PRKAG2: variants seen among roughly 807,000 people sequenced by gnomAD.
PRKAG2 encodes the protein 5'-AMP-activated protein kinase subunit gamma-2.
Under a neutral mutation model 69.6 loss-of-function variants are expected in PRKAG2, and 26 were observed. The observed-to-expected ratio is 0.37, with a 90% CI of 0.27 to 0.52. PRKAG2 has a LOEUF of 0.52. PRKAG2 is among the 20% of genes least tolerant of loss of function. The probability of loss-of-function intolerance (pLI) is 0.90; values close to 1 mark genes in which losing one functional copy is unlikely to be tolerated. For synonymous variants in PRKAG2, 293 were observed against 285.0 expected, an observed-to-expected ratio of 1.03 and a Z score of -0.28; for missense variants, 557 against 740.0, an observed-to-expected ratio of 0.75 and a Z score of 2.87.
At chr7:151,782,907 G>A (rs981716888) in intron 2 of PRKAG2, among the ~76,000 whole-genome samples, 1 of 152,258 alleles carries the variant, frequency 6.6e-6, no homozygotes, top group Non-Finnish European at 1.5e-5. Context: ...AGAAGGGCGA[G>A]TAACTCGTCC....
At chr7:151,589,512 C>T (rs550136983) in intron 6 of PRKAG2, among the ~76,000 whole-genome samples, 1 of 152,316 alleles carries the variant, frequency 6.6e-6, no homozygotes, top group Admixed American at 6.5e-5. Flanking sequence ...GAGAACACTG[C>T]CTTAGAGGTC....
intron 1 of PRKAG2, among the ~76,000 whole-genome samples, chr7:151,833,841 G>A (rs1016127361): frequency 6.6e-6 from 1 of 152,218 alleles, no homozygotes; most frequent in Non-Finnish European, 1.5e-5. Flanking sequence ...CAGATGGCGG[G>A]AGGGGGTGTG....
intron 1 of PRKAG2, among the ~76,000 whole-genome samples, chr7:151,796,417 C>T (rs540751562): frequency 2.6e-5 from 4 of 152,332 alleles, no homozygotes; most frequent in African/African-American, 9.6e-5. Context: ...GCCAAATGTC[C>T]TCCTTTGACT....
In PRKAG2 at chr7:151,576,384, T is replaced by G; in HGVS notation, c.933A>C (p.Lys311Asn). Reference protein sequence around the residue: ...VRAAPLWESKKQSFVGMLTIT... With the variant: ...VRAAPLWESKNQSFVGMLTIT... ...CACACTGCTTACCTACAAAACTTTG[T>G]TTTTTACTCTCCCACAGTGGCGCTG... Residue 311 changes from lysine (K) to asparagine (N), a missense_variant, in exon 7 of 16, where the codon AAA (lysine) becomes AAC (asparagine). By Grantham distance (94) the Lys-to-Asn change is moderately conservative (BLOSUM62 0). Transcript: ENST00000287878. 15 of 1,608,492 alleles carry G rather than the reference T, an allele frequency of 9.3e-6. No homozygotes were observed. Among genetic ancestry groups the G allele is most frequent in the Non-Finnish European group, 1.3e-5 (15 of 1,174,982 alleles).
intron 1 of PRKAG2, among the ~76,000 whole-genome samples, chr7:151,871,423 G>A (rs539099442): frequency 3.9e-4 from 60 of 152,330 alleles, no homozygotes; most frequent in African/African-American, 1.4e-3. Flanking sequence ...AGGCCAGCAT[G>A]GCCTCAGGAT....
chr7:151,733,464 G>A lies in PRKAG2; in HGVS notation c.466+47688C>T, dbSNP rs144528685. Among the ~76,000 whole-genome samples the A allele has an allele frequency of 4.1e-3, 631 of 152,286 alleles. 5 individuals are homozygous for A. The highest frequency in any genetic ancestry group is 0.014 in the African/African-American group (568 of 41,556). ...GACAGCCAACCGTTAAACACAAGGC[G>A]GGAAGCCACTGTCTGGCACATAATA... On this transcript the variant is annotated intron_variant, in intron 3 of 15. Coordinates refer to ENST00000287878, the MANE Select transcript of PRKAG2 (RefSeq NM_016203.4).
rs535396596 is a variant in PRKAG2 at position 151,611,374 on chromosome 7, C to G, written c.755-15920G>C. ...GCTGCGGTTTCAAAGGTGCTCAGATCCAGGGCGGTGCAGCGCTTGCCAGAG... is the reference window on the plus strand; with the variant it reads ...GCTGCGGTTTCAAAGGTGCTCAGATGCAGGGCGGTGCAGCGCTTGCCAGAG... On this transcript the variant is annotated intron_variant, in intron 5 of 15. Coordinates refer to ENST00000287878, the MANE Select transcript of PRKAG2 (RefSeq NM_016203.4). Among the ~76,000 whole-genome samples, 3 of 152,346 alleles carry G rather than the reference C, an allele frequency of 2.0e-5. No individual in the cohort carries two copies. In the East Asian group the frequency reaches 5.8e-4, roughly 29 times the overall value.
Position 151,562,244 on chromosome 7 carries a change from C to CAA in PRKAG2, c.1585-1629_1585-1628dup, listed in dbSNP as rs575674668. The stretch of plus-strand genomic sequence containing the variant: ...TGGGCGACAGAGTGAGACTTTGTCT[C>CAA]AAAAAAAAAAAAAAAAAAAAAAAAA... On this transcript the variant is annotated intron_variant, in intron 14 of 15. Coordinates refer to ENST00000287878, the MANE Select transcript of PRKAG2 (RefSeq NM_016203.4). Among the ~76,000 whole-genome samples, 56 of 38,440 alleles carry CAA rather than the reference C, an allele frequency of 1.5e-3. 1 individual carries two copies. Among genetic ancestry groups the CAA allele is most frequent in the South Asian group, 3.4e-3 (2 of 596 alleles). The allele number at this position is 38,440 out of a possible 152,430, so 25.2% of individuals were successfully genotyped here. A position where few individuals can be genotyped will look rare whatever the true frequency, so the allele number is the denominator to read the frequency against.
intron 1 of PRKAG2, 135 bp from the exon 2 acceptor site, chr7:151,786,676 C>T (rs957710538): frequency 1.4e-4 from 102 of 751,810 alleles, no homozygotes; most frequent in Non-Finnish European, 5.0e-5. Context: ...GGGATGTGGA[C>T]GTGTTTGCTA....
At chr7:151,754,016 C>G (rs554289917) in intron 3 of PRKAG2, among the ~76,000 whole-genome samples, 1 of 152,210 alleles carries the variant, frequency 6.6e-6, no homozygotes, top group African/African-American at 2.4e-5. Context: ...AAGACCGCAT[C>G]TCGAAAAAAA....
chr7:151,858,560 C>A (rs2079842125), intron 1 of PRKAG2, among the ~76,000 whole-genome samples: 1 of 152,212 alleles, frequency 6.6e-6, no homozygotes, highest in Non-Finnish European at 1.5e-5. Context: ...CCTGCCCACA[C>A]ACACACACCA....
rs543021217 is a variant in PRKAG2 at position 151,614,258 on chromosome 7, G to A, written c.754+17811C>T. Among the ~76,000 whole-genome samples, 5 of 152,250 alleles carry A rather than the reference G, an allele frequency of 3.3e-5. No individual in the cohort carries two copies. In the South Asian group the frequency reaches 1.0e-3, roughly 32 times the overall value. ...AGGCCTGAGCCCCTCAGATCTGAGG[G>A]TATCCTCAGGAGCTCGCAGGGGACA... On this transcript the variant is annotated intron_variant, in intron 5 of 15. Coordinates refer to ENST00000287878, the MANE Select transcript of PRKAG2 (RefSeq NM_016203.4). The surrounding 1 kb of genome is among the most constrained non-coding windows in gnomAD (Gnocchi z 4.4).
chr7:151,560,993 G>C (rs188089531), intron 14 of PRKAG2, among the ~76,000 whole-genome samples: 1 of 152,272 alleles, frequency 6.6e-6, no homozygotes, highest in Admixed American at 6.5e-5. Flanking sequence ...AGACCCATAC[G>C]ATGACCTTAG....
In PRKAG2 at chr7:151,737,357, AGAG is replaced by A. The variant is rs1214784560; in HGVS notation, c.466+43792_466+43794del. Among the ~76,000 whole-genome samples the A allele has an allele frequency of 7.1e-3, 1,072 of 151,094 alleles. 18 individuals carry two copies. The highest frequency in any genetic ancestry group is 0.024 in the African/African-American group (968 of 41,038). On this transcript the variant is annotated intron_variant, in intron 3 of 15. Transcript: ENST00000287878. ...CCCCATCTCTATTAAAAAAAAAAAA[AGAG>A]AGATTTAGCCTAGTTCCAACAGTCT... is the stretch of plus-strand genomic sequence containing the variant.
In PRKAG2 at chr7:151,567,137, A is replaced by C. The variant is rs901950321; in HGVS notation, c.1234-1252T>G. 6.6e-6 allele frequency among the ~76,000 whole-genome samples: 1 copy of C among 152,158 alleles called. No individual in the cohort carries two copies. The highest frequency in any genetic ancestry group is 2.4e-5 in the African/African-American group (1 of 41,410). On this transcript the variant is annotated intron_variant, in intron 11 of 15. Coordinates refer to ENST00000287878, the MANE Select transcript of PRKAG2 (RefSeq NM_016203.4). This position sits in a 1 kb window ranked among gnomAD's most constrained non-coding sequence, Gnocchi z 4.2. ...GAGACTCCCGGGTTTGCAATCTACC[A>C]CTTAGTATCCACATGACTGGGGGCA...
In PRKAG2 at chr7:151,576,135, C is replaced by G; in HGVS notation, c.946+236G>C. 3 of 541,266 alleles carry G rather than the reference C, an allele frequency of 5.5e-6. No individual in the cohort carries two copies. In the South Asian group the frequency reaches 6.0e-5, roughly 11 times the overall value. The allele number at this position is 541,266 out of a possible 1,614,324, so 33.5% of individuals were successfully genotyped here. A position where few individuals can be genotyped will look rare whatever the true frequency, so the allele number is the denominator to read the frequency against. ...TTGCATGTTTTTGTAGAGATGAGGT[C>G]TTGCTATGTTGCCCAGGCTGGCCTC... On this transcript the variant is annotated intron_variant, in intron 7 of 15. Coordinates refer to ENST00000287878, the MANE Select transcript of PRKAG2 (RefSeq NM_016203.4).
intron 3 of PRKAG2, among the ~76,000 whole-genome samples, chr7:151,765,214 G>C (rs953140028): frequency 1.3e-5 from 2 of 152,172 alleles, no homozygotes; most frequent in African/African-American, 4.8e-5. Flanking sequence ...AGCATGGCTG[G>C]GGAGGCCTCA....
At chr7:151,825,430 T>C (rs2078884953) in intron 1 of PRKAG2, among the ~76,000 whole-genome samples, 2 of 152,170 alleles carry the variant, frequency 1.3e-5, no homozygotes, top group African/African-American at 2.4e-5. Flanking sequence ...GATGTGAGGA[T>C]GGGAGTCTTT....
intron 3 of PRKAG2, among the ~76,000 whole-genome samples, chr7:151,739,269 C>T (rs1478655792): frequency 1.3e-5 from 2 of 152,178 alleles, no homozygotes; most frequent in Non-Finnish European, 2.9e-5. Flanking sequence ...GGACCTGACC[C>T]ATCTCTGTCT....
Sources: allele counts gnomAD v4.1 joint callset (sites outside exome capture counted in the v4.1 genomes callset), GRCh38; gene constraint gnomAD v4.1.1; non-coding constraint Gnocchi (gnomAD v3.1); transcripts MANE v1.5; gene names NCBI Gene and HGNC (gene_info 2026-07-23, HGNC 2026-07-21).